Variants in GCC2 observed in about 807,000 individuals in gnomAD.
The protein encoded by GCC2 is GRIP and coiled-coil domain containing 2, also known as GRIP and coiled-coil domain-containing protein 2.
Under a neutral mutation model 210.6 loss-of-function variants are expected in GCC2, and 120 were observed. The observed-to-expected ratio is 0.57, with a 90% CI of 0.49 to 0.66. The LOEUF is 0.66. Ranked by LOEUF, GCC2 falls within the 30% of genes least tolerant of loss-of-function variation. The pLI is 0.00. For synonymous variants in GCC2, 703 were observed against 652.7 expected (o/e 1.08, Z -1.17); for missense variants, 1,868 against 1,871.9 (o/e 1.00, Z 0.04).
rs1681162269 is a variant in GCC2 at position 108,470,802 on chromosome 2, A to G, written c.1473A>G (p.Gln491=). ...ESLREIMEIL[Q]TELGESAGKI... is the part of the protein sequence containing the mutation. ...TACGAGAGATTATGGAAATTTTACA[A>G]ACAGAACTGGGGGAATCTGCTGGAA... Residue 491 remains glutamine, a synonymous_variant, in exon 6 of 23, where the codon CAA becomes CAG. Coordinates refer to ENST00000309863, the MANE Select transcript of GCC2 (RefSeq NM_181453.4). 1 of 1,613,760 alleles carries G rather than the reference A, an allele frequency of 6.2e-7. No homozygotes were observed. The highest frequency in any genetic ancestry group is 8.5e-7 in the Non-Finnish European group (1 of 1,179,808).
chr2:108,464,948 G>A (rs1680794571), intron 4 of GCC2, among the ~76,000 whole-genome samples: 1 of 152,224 alleles, frequency 6.6e-6, no homozygotes, highest in Admixed American at 6.5e-5. Context: ...GGCGAAAGCA[G>A]GAGCAAGTGA....
rs752379605 is a variant in GCC2, at chr2:108,470,084, T to G, written c.755T>G (p.Val252Gly). ...LQLKAIHQEEVKELMCQIEAS... is the reference protein window; with the variant it reads ...LQLKAIHQEEGKELMCQIEAS... ...TTGAAAGCTATACACCAAGAAGAGG[T>G]GAAAGAGTTGATGTGCCAGATTGAA... Residue 252 changes from valine to glycine, a missense_variant, in exon 6 of 23, where the codon GTG becomes GGG. This residue lies in a region of GCC2 where 1,847 missense variants were observed against 1,765.2 expected (regional missense o/e 1.05). Coordinates refer to ENST00000309863, the MANE Select transcript of GCC2 (RefSeq NM_181453.4). The G allele has an allele frequency of 8.1e-6, 13 of 1,611,568 alleles. No individual in the cohort carries two copies. Among genetic ancestry groups the G allele is most frequent in the Non-Finnish European group, 1.1e-5 (13 of 1,178,860 alleles).
intron 22 of GCC2, among the ~76,000 whole-genome samples, chr2:108,500,382 A>G (rs1682858301): frequency 6.6e-6 from 1 of 152,118 alleles, no homozygotes. Flanking sequence ...ACGTGGTGGC[A>G]TGCGCCTATA....
At chr2:108,462,239 TCCCAGCAC>T in intron 4 of GCC2, among the ~76,000 whole-genome samples, 1 of 143,552 alleles carries the variant, frequency 7.0e-6, no homozygotes, top group East Asian at 2.4e-4. Flanking sequence ...ACGCCTGTAA[TCCCAGCAC>T]TTTGGGAGGC....
intron 4 of GCC2, among the ~76,000 whole-genome samples, chr2:108,462,390 A>G (rs1419787117): frequency 6.9e-6 from 1 of 145,778 alleles, no homozygotes; most frequent in Non-Finnish European, 1.5e-5. Flanking sequence ...GCTACTCAGG[A>G]GGCTGAGGCA....
chr2:108,454,804 A>T (rs866496734), intron 4 of GCC2, among the ~76,000 whole-genome samples: 1 of 152,310 alleles, frequency 6.6e-6, no homozygotes, highest in Middle Eastern at 3.4e-3. Flanking sequence ...ATAAGGTAAT[A>T]TATCTACTGC....
chr2:108,472,784 TTTTTG>T (rs770503603), intron 6 of GCC2, 38 bp from the exon 7 acceptor site: 12 of 1,146,254 alleles, frequency 1.0e-5, no homozygotes, highest in African/African-American at 3.1e-5. Context: ...CTGATTCTGG[TTTTTG>T]TTTTGTTTTG....
rs147227525 is a variant in GCC2, at chr2:108,471,819, G to A, written c.2490G>A (p.Lys830=). The change falls in exon 6 of 23, where the codon AAG becomes AAA. Residue 830 remains lysine, a synonymous_variant. Transcript: ENST00000309863. Reference sequence around the variant, plus strand: ...GTGTAGTTCAGTGTGAAGAACTTAAGTCTTTATTGAGAGACTATGAGCAAG... The same window carrying A: ...GTGTAGTTCAGTGTGAAGAACTTAAATCTTTATTGAGAGACTATGAGCAAG... ...EESVVQCEEL[K]SLLRDYEQEK... 9.0e-3 allele frequency: 14,441 copies of A among 1,613,418 alleles called. 1,977 individuals carry two copies. The Admixed American group carries it at 0.23, about 25-fold the overall frequency.
At chr2:108,452,722 TCTCA>T (rs1558725419) in intron 4 of GCC2, among the ~76,000 whole-genome samples, 4 of 133,450 alleles carry the variant, frequency 3.0e-5, no homozygotes. Context: ...TGAGATGGAG[TCTCA>T]CTCTGTCACC....
chr2:108,452,519 T>C, intron 4 of GCC2, 53 bp downstream of exon 4: 1 of 1,060,416 alleles, frequency 9.4e-7, no homozygotes, highest in Admixed American at 1.8e-5. Flanking sequence ...CCCTGAGGAT[T>C]GTCAGTCTGC....
intron 4 of GCC2, among the ~76,000 whole-genome samples, chr2:108,459,573 G>T (rs1429811406): frequency 7.9e-5 from 12 of 151,880 alleles, no homozygotes; most frequent in Non-Finnish European, 1.6e-4. Flanking sequence ...CTAATGCTGA[G>T]AGTGGGGTGA....
rs751795034 is a variant in GCC2 at position 108,471,888 on chromosome 2, A to C, written c.2559A>C (p.Glu853Asp). Residue 853 changes from glutamate (E) to aspartate (D), a missense_variant, in exon 6 of 23, where the codon GAA becomes GAC. By Grantham distance (45) the Glu-to-Asp change is conservative. Transcript: ENST00000309863. The part of the protein sequence containing the change: ...LRKELEEIQS[E>D]KEALQSDLLE... ...AAGAGTTAGAAGAAATACAGTCAGA[A>C]AAAGAGGCCCTGCAGTCTGATCTTC... The C allele has an allele frequency of 6.8e-6, 11 of 1,607,900 alleles. No homozygotes were observed. The highest frequency in any genetic ancestry group is 9.3e-6 in the Non-Finnish European group (11 of 1,178,038).
chr2:108,459,615 C>G (rs560879928), intron 4 of GCC2, among the ~76,000 whole-genome samples: 8 of 152,048 alleles, frequency 5.3e-5, no homozygotes, highest in African/African-American at 1.2e-4. Flanking sequence ...TGGAGTCTCT[C>G]TCTCTCTAGA....
chr2:108,456,345 TAGA>T (rs1244364891), intron 4 of GCC2, among the ~76,000 whole-genome samples: 1 of 152,210 alleles, frequency 6.6e-6, no homozygotes, highest in Non-Finnish European at 1.5e-5. Context: ...ACCAACAGTG[TAGA>T]AGAGTTCTTT....
rs1681242946 is a variant in GCC2, at chr2:108,471,849, A to G, written c.2520A>G (p.Lys840=). 1.9e-6 allele frequency: 3 copies of G among 1,613,230 alleles called. No individual in the cohort carries two copies. The highest frequency in any genetic ancestry group is 2.5e-6 in the Non-Finnish European group (3 of 1,179,446). The change falls in exon 6 of 23, where the codon AAA becomes AAG. Residue 840 remains lysine (K), a synonymous_variant. Transcript: ENST00000309863. ...TATTGAGAGACTATGAGCAAGAGAA[A>G]GTTCTCTTAAGGAAAGAGTTAGAAG... ...KSLLRDYEQE[K]VLLRKELEEI...
intron 4 of GCC2, among the ~76,000 whole-genome samples, chr2:108,454,529 T>C (rs944762232): frequency 6.6e-6 from 1 of 152,230 alleles, no homozygotes; most frequent in Non-Finnish European, 1.5e-5. Flanking sequence ...GTCTTCTTTG[T>C]ATATTTAGTC....
chr2:108,459,177 G>A (rs1680426397), intron 4 of GCC2, among the ~76,000 whole-genome samples: 1 of 152,016 alleles, frequency 6.6e-6, no homozygotes, highest in Non-Finnish European at 1.5e-5. Flanking sequence ...TTGGTATGTT[G>A]TAGTTTCCAT....
intron 9 of GCC2, among the ~76,000 whole-genome samples, chr2:108,479,980 CAAAAAAA>C (rs200934785): frequency 4.4e-5 from 5 of 114,546 alleles, no homozygotes; most frequent in African/African-American, 1.1e-4. Flanking sequence ...GACTCCATCT[CAAAAAAA>C]AAAAAAAAAA....
intron 4 of GCC2, among the ~76,000 whole-genome samples, chr2:108,461,599 G>A (rs1319696797): frequency 1.3e-5 from 2 of 151,890 alleles, no homozygotes; most frequent in Non-Finnish European, 2.9e-5. Context: ...TCCACCTCCC[G>A]GGTTCAAGTG....
Sources: gnomAD v4.1 joint callset for allele counts (sites outside exome capture counted in the v4.1 genomes callset) on GRCh38, gnomAD v4.1.1 for gene constraint, gnomAD v4.1.1 regional missense constraint, MANE v1.5 for transcripts, NCBI Gene and HGNC (gene_info 2026-07-23, HGNC 2026-07-21) for gene names.